RXFP1: variants seen among roughly 807,000 people sequenced by gnomAD.
The protein encoded by RXFP1 is relaxin family peptide receptor 1.
A neutral mutation model predicts 89.8 loss-of-function variants in RXFP1; 73 were observed. The ratio of observed to expected loss-of-function variants is 0.81; its 90% CI spans 0.67 to 0.99. RXFP1 has a LOEUF of 0.99. RXFP1 is among the 50% of genes least tolerant of loss of function. RXFP1 has a pLI of 0.00. For missense variants in RXFP1, 793 were observed against 895.5 expected (o/e 0.89, Z 1.46); for synonymous variants, 277 against 305.5 (o/e 0.91, Z 0.97).
chr4:158,597,047 T>C (rs1760757807), intron 3 of RXFP1, among the ~76,000 whole-genome samples: 1 of 152,092 alleles, frequency 6.6e-6, no homozygotes, highest in Non-Finnish European at 1.5e-5. Context: ...AGACAATTTG[T>C]GGGGGGTAGT....
intron 4 of RXFP1, among the ~76,000 whole-genome samples, chr4:158,603,068 C>G (rs1761981272): frequency 6.6e-6 from 1 of 152,120 alleles, no homozygotes; most frequent in Admixed American, 6.5e-5. Context: ...GTAGTTGAGA[C>G]TACTGGCATG....
chr4:158,602,807 G>T (rs1049007567), intron 4 of RXFP1, among the ~76,000 whole-genome samples: 1 of 152,070 alleles, frequency 6.6e-6, no homozygotes, highest in African/African-American at 2.4e-5. Context: ...AGGCTAGAGC[G>T]CAGTGGCGCG....
At chr4:158,556,224 CAAA>C (rs11337872) in intron 1 of RXFP1, among the ~76,000 whole-genome samples, 33 of 132,422 alleles carry the variant, frequency 2.5e-4, no homozygotes, top group Admixed American at 6.7e-4. Flanking sequence ...AACTTAACAG[CAAA>C]AAAAAAAAAA....
At chr4:158,638,136 A>C (rs1228926883) in intron 13 of RXFP1, 57 bp downstream of exon 13, 8 of 957,334 alleles carry the variant, frequency 8.4e-6, no homozygotes, top group Non-Finnish European at 1.3e-5. Context: ...AAATACTAAC[A>C]ATGTATATTT....
At chr4:158,532,428 A>G (rs961670317) in intron 1 of RXFP1, among the ~76,000 whole-genome samples, 1 of 152,134 alleles carries the variant, frequency 6.6e-6, no homozygotes, top group Non-Finnish European at 1.5e-5. Context: ...AGAACTGTGT[A>G]TAAAATACAA....
intron 6 of RXFP1, 142 bp downstream of exon 6, chr4:158,608,185 TA>T (rs1324003393): frequency 3.7e-6 from 2 of 537,226 alleles, no homozygotes; most frequent in African/African-American, 2.0e-5. Context: ...GCACCGTGGC[TA>T]AGAGCATAGG....
intron 3 of RXFP1, among the ~76,000 whole-genome samples, chr4:158,597,736 A>T (rs7674953): frequency 0.047 from 7,137 of 152,148 alleles, 524 homozygotes; most frequent in African/African-American, 0.16. Context: ...GATTAACGCT[A>T]ATTTCACTGC....
At chr4:158,584,095 G>A (rs139638639) in intron 2 of RXFP1, among the ~76,000 whole-genome samples, 29 of 152,214 alleles carry the variant, frequency 1.9e-4, no homozygotes, top group African/African-American at 4.8e-4. Context: ...CACTGTGTTC[G>A]AAGAATGAGT....
At chr4:158,634,004 G>A (rs1768632405) in intron 12 of RXFP1, among the ~76,000 whole-genome samples, 1 of 152,142 alleles carries the variant, frequency 6.6e-6, no homozygotes, top group Non-Finnish European at 1.5e-5. Context: ...ACAAATATCT[G>A]TTGACTCTGC....
chr4:158,575,653 G>GA (rs1275319248), intron 2 of RXFP1, among the ~76,000 whole-genome samples: 1 of 152,154 alleles, frequency 6.6e-6, no homozygotes, highest in Non-Finnish European at 1.5e-5. Flanking sequence ...CTGTGAACCA[G>GA]AAAGTGGGCC....
chr4:158,546,528 C>T (rs1177381105), intron 1 of RXFP1, among the ~76,000 whole-genome samples: 1 of 152,126 alleles, frequency 6.6e-6, no homozygotes, highest in Non-Finnish European at 1.5e-5. Flanking sequence ...TGTCTTGTGC[C>T]AGTTTTCAAA....
intron 2 of RXFP1, 183 bp downstream of exon 2, chr4:158,573,018 G>GTTTT: frequency 1.5e-5 from 11 of 723,548 alleles, no homozygotes; most frequent in Non-Finnish European, 2.0e-5. Context: ...TCTTGTTTTT[G>GTTTT]TTTTTTTTTG....
intron 1 of RXFP1, among the ~76,000 whole-genome samples, chr4:158,562,336 A>T (rs2149945496): frequency 6.6e-6 from 1 of 151,566 alleles, no homozygotes; most frequent in Admixed American, 6.6e-5. Context: ...CATCCCGGCT[A>T]AAACGGTGAA....
intron 1 of RXFP1, among the ~76,000 whole-genome samples, chr4:158,571,098 T>A (rs1276449968): frequency 6.6e-6 from 1 of 152,204 alleles, no homozygotes. Context: ...TATTTTCCAT[T>A]ACATCACCTG....
chr4:158,641,487 T>A (rs1284758837), intron 14 of RXFP1, among the ~76,000 whole-genome samples: 1 of 152,174 alleles, frequency 6.6e-6, no homozygotes, highest in Non-Finnish European at 1.5e-5. Context: ...TTACTATAAT[T>A]CTGTTGATAA....
Position 158,633,448 on chromosome 4 carries a change from T to C in RXFP1, c.943T>C (p.Phe315Leu). ...GATTGAAAATCTTCCACCGCTTATA[T>C]TCAAGGACCTGAAGGAGCTGTCACA... Reference protein sequence around the residue: ...NKIENLPPLIFKDLKELSQLN... With the variant: ...NKIENLPPLILKDLKELSQLN... The change falls in exon 12 of 18, where the codon TTC (phenylalanine) becomes CTC (leucine). Residue 315 changes from phenylalanine to leucine, a missense_variant. Coordinates refer to ENST00000307765, the MANE Select transcript of RXFP1 (RefSeq NM_021634.4). The C allele has an allele frequency of 1.2e-6, 2 of 1,603,758 alleles. No homozygotes were observed. The highest frequency in any genetic ancestry group is 2.2e-5 in the South Asian group (2 of 89,556).
At chr4:158,622,856 C>G (rs1281233996) in intron 9 of RXFP1, among the ~76,000 whole-genome samples, 3 of 152,086 alleles carry the variant, frequency 2.0e-5, no homozygotes, top group Non-Finnish European at 2.9e-5. Flanking sequence ...AGTTCAGGCA[C>G]TCTTACCATA....
intron 1 of RXFP1, among the ~76,000 whole-genome samples, chr4:158,542,186 C>G (rs760814578): frequency 9.4e-4 from 139 of 148,386 alleles, no homozygotes; most frequent in Non-Finnish European, 1.5e-3. Context: ...GATTTGCCTG[C>G]CTCGGCCTCC....
At chr4:158,591,538 G>A (rs1226171707) in intron 2 of RXFP1, among the ~76,000 whole-genome samples, 11 of 148,032 alleles carry the variant, frequency 7.4e-5, no homozygotes, top group Admixed American at 2.7e-4. Context: ...CACCTCACCC[G>A]AGAAGTTCAA....
Sources: gnomAD v4.1 joint callset for allele counts (sites outside exome capture counted in the v4.1 genomes callset) on GRCh38, gnomAD v4.1.1 for gene constraint, MANE v1.5 for transcripts, NCBI Gene and HGNC (gene_info 2026-07-23, HGNC 2026-07-21) for gene names.